MTHFD2L: variants seen among roughly 807,000 people sequenced by gnomAD.
The protein encoded by MTHFD2L is methylenetetrahydrofolate dehydrogenase (NADP+ dependent) 2 like, also known as bifunctional methylenetetrahydrofolate dehydrogenase/cyclohydrolase 2, mitochondrial.
In MTHFD2L, 29 loss-of-function variants were observed where a neutral mutation model predicts 34.9. The observed-to-expected ratio is 0.83, with a 90% confidence interval of 0.62 to 1.13. The LOEUF (loss-of-function observed/expected upper bound fraction) is 1.13. MTHFD2L is among the 50% of genes most tolerant of loss of function. The pLI is 0.00. For synonymous variants in MTHFD2L, 167 were observed against 155.7 expected, an observed-to-expected ratio of 1.07 and a Z score of -0.54; for missense variants, 481 against 446.5, an observed-to-expected ratio of 1.08 and a Z score of -0.70.
intron 1 of MTHFD2L, among the ~76,000 whole-genome samples, chr4:74,142,946 G>A (rs1578248940): frequency 6.6e-6 from 1 of 152,148 alleles, no homozygotes; most frequent in African/African-American, 2.4e-5. Context: ...AATTTAAAAA[G>A]TATCAATACC....
chr4:74,116,038 A>G (rs578121854), intron 2 of MTHFD2L, among the ~76,000 whole-genome samples: 8 of 152,340 alleles, frequency 5.3e-5, no homozygotes, highest in African/African-American at 1.9e-4. Context: ...TCTAGGATTG[A>G]TATAAAGTGA....
intron 1 of MTHFD2L, among the ~76,000 whole-genome samples, chr4:74,148,757 T>C (rs1186042832): frequency 1.3e-5 from 2 of 151,794 alleles, no homozygotes; most frequent in Non-Finnish European, 2.9e-5. Context: ...AATAAGTGCA[T>C]CGAGAGTCAT....
At chr4:74,267,387 C>CT (rs1745438487) in intron 6 of MTHFD2L, 2 of 353,530 alleles carry the variant, frequency 5.7e-6, no homozygotes, top group Non-Finnish European at 7.6e-6. Context: ...TTCTTTCTTT[C>CT]TTTCTTTTCT....
At chr4:74,124,613 A>T (rs1721946389), upstream of MTHFD2L, among the ~76,000 whole-genome samples, 1 of 152,044 alleles carries the variant, frequency 6.6e-6, no homozygotes, top group Non-Finnish European at 1.5e-5. Context: ...TGTTTCGTTA[A>T]GACATTTCTC....
intron 1 of MTHFD2L, among the ~76,000 whole-genome samples, chr4:74,129,937 A>G (rs924693616): frequency 1.3e-5 from 2 of 152,172 alleles, no homozygotes; most frequent in Non-Finnish European, 2.9e-5. Flanking sequence ...ACAAACTACC[A>G]TCAGAGAATA....
At chr4:74,201,567 T>C (rs1734434851) in intron 5 of MTHFD2L, among the ~76,000 whole-genome samples, 197 bp downstream of exon 5, 1 of 22,712 alleles carries the variant, frequency 4.4e-5, no homozygotes, top group African/African-American at 1.2e-4. Flanking sequence ...CCATTTTCTC[T>C]ATTTTTTTTT....
intron 1 of MTHFD2L, among the ~76,000 whole-genome samples, chr4:74,144,780 A>G (rs1214044410): frequency 6.6e-6 from 1 of 152,052 alleles, no homozygotes; most frequent in African/African-American, 2.4e-5. Flanking sequence ...TATAATTTCT[A>G]TGTCTACAAG....
chr4:74,117,758 ACT>A (rs1385855314), intron 2 of MTHFD2L, among the ~76,000 whole-genome samples: 2 of 152,020 alleles, frequency 1.3e-5, no homozygotes, highest in East Asian at 1.9e-4. Context: ...AGATGTAAAC[ACT>A]CTGTGGTTCT....
chr4:74,210,570 T>A (rs977089856), intron 5 of MTHFD2L, among the ~76,000 whole-genome samples: 1 of 152,196 alleles, frequency 6.6e-6, no homozygotes, highest in South Asian at 2.1e-4. Context: ...TCGGTACCAG[T>A]ACCATGCTGT....
intron 5 of MTHFD2L, among the ~76,000 whole-genome samples, chr4:74,210,142 G>T (rs548117043): frequency 5.4e-4 from 81 of 150,602 alleles, no homozygotes; most frequent in Admixed American, 9.3e-4. Flanking sequence ...TCTGTAGGTT[G>T]CTGTTCATTC....
At chr4:74,180,491 C>A (rs373530399) in intron 3 of MTHFD2L, among the ~76,000 whole-genome samples, 26 of 152,122 alleles carry the variant, frequency 1.7e-4, no homozygotes, top group African/African-American at 6.3e-4. Flanking sequence ...ACAATTATGG[C>A]AATGTCTTGA....
At chr4:74,232,817 A>G (rs577709215) in intron 6 of MTHFD2L, among the ~76,000 whole-genome samples, 6 of 152,322 alleles carry the variant, frequency 3.9e-5, no homozygotes, top group African/African-American at 1.4e-4. Flanking sequence ...TCTTCATAAA[A>G]TGCTTTCTTC....
intron 6 of MTHFD2L, among the ~76,000 whole-genome samples, chr4:74,271,646 A>G (rs1279149575): frequency 1.3e-5 from 2 of 152,138 alleles, no homozygotes; most frequent in Non-Finnish European, 2.9e-5. Context: ...TTGTCTTGGC[A>G]GTGCGGGCTC....
intron 7 of MTHFD2L, among the ~76,000 whole-genome samples, chr4:74,282,576 C>T (rs1337827596): frequency 6.6e-6 from 1 of 151,804 alleles, no homozygotes; most frequent in East Asian, 1.9e-4. Flanking sequence ...GGGTACTGGC[C>T]CTATATATGT....
intron 6 of MTHFD2L, among the ~76,000 whole-genome samples, chr4:74,227,406 C>T (rs1739333175): frequency 6.6e-6 from 1 of 152,064 alleles, no homozygotes; most frequent in African/African-American, 2.4e-5. Flanking sequence ...AAAATTATTT[C>T]ATTACTATAT....
intron 7 of MTHFD2L, among the ~76,000 whole-genome samples, chr4:74,283,682 C>T (rs550462952): frequency 2.9e-4 from 44 of 152,194 alleles, no homozygotes; most frequent in African/African-American, 1.0e-3. Context: ...CCTGGAAGGT[C>T]GAGCTTTTCT....
intron 7 of MTHFD2L, among the ~76,000 whole-genome samples, chr4:74,300,970 A>T (rs1750234622): frequency 6.6e-6 from 1 of 152,044 alleles, no homozygotes; most frequent in African/African-American, 2.4e-5. Flanking sequence ...GCTGACTGGG[A>T]GCTTTGGCTT....
At chr4:74,166,961 C>G (rs1191015094) in intron 1 of MTHFD2L, among the ~76,000 whole-genome samples, 1 of 152,108 alleles carries the variant, frequency 6.6e-6, no homozygotes, top group African/African-American at 2.4e-5. Flanking sequence ...CTAGTCCCCA[C>G]AGACTTGGGA....
Position 74,228,059 on chromosome 4 carries a change from GA to G in MTHFD2L, c.805+2673del, listed in dbSNP as rs556643528. On this transcript the variant is annotated intron_variant, in intron 6 of 7. Transcript: ENST00000325278. ...AAAAATAGAAATGTTCTTTTTCCCA[GA>G]AAAAAAATCAGTAAGCTGGTACAGA... Among the ~76,000 whole-genome samples, 16 of 151,920 alleles carry G rather than the reference GA, an allele frequency of 1.1e-4. No homozygotes were observed. In the South Asian group the frequency reaches 3.1e-3, roughly 30 times the overall value.
Sources: allele counts gnomAD v4.1 joint callset (sites outside exome capture counted in the v4.1 genomes callset), GRCh38; gene constraint gnomAD v4.1.1; transcripts MANE v1.5; gene names NCBI Gene and HGNC (gene_info 2026-07-23, HGNC 2026-07-21).